Variants in ZFYVE9 observed in about 807,000 individuals in gnomAD.
The protein encoded by ZFYVE9 is zinc finger FYVE-type containing 9, also known as zinc finger FYVE domain-containing protein 9.
In ZFYVE9, 43 loss-of-function variants were observed where a neutral mutation model predicts 126.7. The ratio of observed to expected loss-of-function variants is 0.34; its 90% CI spans 0.27 to 0.44. The LOEUF (loss-of-function observed/expected upper bound fraction) is 0.44, where lower values mean the gene tolerates loss of function less well. Among genes scored for constraint, ZFYVE9 ranks in the 20% least tolerant of loss-of-function variants. The pLI, the probability that ZFYVE9 is intolerant of heterozygous loss-of-function variation, is 1.00. For missense variants in ZFYVE9, 1,476 were observed against 1,697.0 expected, an observed-to-expected ratio of 0.87 and a Z score of 2.29; for synonymous variants, 521 against 597.4, an observed-to-expected ratio of 0.87 and a Z score of 1.87.
At chr1:52,148,230 T>A (rs994548705) in intron 1 of ZFYVE9, among the ~76,000 whole-genome samples, 4 of 152,036 alleles carry the variant, frequency 2.6e-5, no homozygotes, top group African/African-American at 9.7e-5. Context: ...ATCCCAGCAC[T>A]TTGGGAGGCT....
At chr1:52,183,998 T>A (rs374792785) in intron 1 of ZFYVE9, among the ~76,000 whole-genome samples, 2 of 150,674 alleles carry the variant, frequency 1.3e-5, no homozygotes, top group East Asian at 3.9e-4. Flanking sequence ...CTGGCCAAGC[T>A]TTTCTTTTTA....
At chr1:52,199,009 C>T (rs760033224) in intron 1 of ZFYVE9, among the ~76,000 whole-genome samples, 6 of 151,520 alleles carry the variant, frequency 4.0e-5, no homozygotes, top group Non-Finnish European at 5.9e-5. Context: ...GGTTTTAACA[C>T]CTTAAAAATC....
intron 12 of ZFYVE9, among the ~76,000 whole-genome samples, chr1:52,297,242 C>CTTT (rs767708782): frequency 7.5e-6 from 1 of 134,100 alleles, no homozygotes; most frequent in Non-Finnish European, 1.6e-5. Context: ...AAAAACATTT[C>CTTT]TTTTTTTTTT....
At chr1:52,257,281 A>G (rs990997048) in intron 4 of ZFYVE9, among the ~76,000 whole-genome samples, 2 of 152,228 alleles carry the variant, frequency 1.3e-5, no homozygotes, top group African/African-American at 4.8e-5. Flanking sequence ...TAAAAGCCAT[A>G]TGAAGGAAAT....
intron 15 of ZFYVE9, among the ~76,000 whole-genome samples, chr1:52,336,947 T>TAAAAAAAAAAAAAAAAAAAAAAAA (rs71041896): frequency 3.7e-5 from 4 of 107,872 alleles, no homozygotes; most frequent in African/African-American, 1.5e-4. Context: ...AGTCATCTCT[T>TAAAAAAAAAAAAAAAAAAAAAAAA]AAAAAAAAAA....
At chr1:52,281,421 C>A (rs1197755714) in intron 9 of ZFYVE9, among the ~76,000 whole-genome samples, 1 of 152,170 alleles carries the variant, frequency 6.6e-6, no homozygotes, top group Non-Finnish European at 1.5e-5. Flanking sequence ...GCGTGAGCCA[C>A]CTCGGCCGTC....
chr1:52,242,887 G>A (rs1197360419), intron 4 of ZFYVE9, among the ~76,000 whole-genome samples: 1 of 152,174 alleles, frequency 6.6e-6, no homozygotes, highest in Non-Finnish European at 1.5e-5. Flanking sequence ...GGTTTCTAGT[G>A]AAGCTGAACC....
intron 13 of ZFYVE9, 36 bp from the exon 14 acceptor site, chr1:52,332,732 A>G (rs1428393626): frequency 1.3e-6 from 2 of 1,598,118 alleles, no homozygotes; most frequent in African/African-American, 2.7e-5. Flanking sequence ...AAAAATGCCC[A>G]TTCTTGTCAG....
At chr1:52,143,007 C>T (rs1352354416) in intron 1 of ZFYVE9, among the ~76,000 whole-genome samples, 5 of 152,150 alleles carry the variant, frequency 3.3e-5, no homozygotes, top group African/African-American at 1.2e-4. Flanking sequence ...TCATTCCTGC[C>T]TCTTTATATT....
At chr1:52,261,232 T>C (rs1287587849) in intron 4 of ZFYVE9, among the ~76,000 whole-genome samples, 4 of 150,672 alleles carry the variant, frequency 2.7e-5, no homozygotes, top group Non-Finnish European at 5.9e-5. Flanking sequence ...CTTTCTTTTT[T>C]TTTTTTTTTT....
chr1:52,332,824 C>T lies in ZFYVE9; in HGVS notation c.3495C>T (p.Phe1165=), dbSNP rs1557524416. The change falls in exon 14 of 19, where the codon TTC becomes TTT. Residue 1165 remains phenylalanine (F), a synonymous_variant. Coordinates refer to ENST00000287727, the MANE Select transcript of ZFYVE9 (RefSeq NM_004799.4). ...ATGTCCTGGCAGGAGGTGCCTGCTT[C>T]AATGAAAAGGCAGACTCTCATCTTG... ...NEHVLAGGAC[F]NEKADSHLVC... 1 of 1,613,930 alleles carries T rather than the reference C, an allele frequency of 6.2e-7. No homozygotes were observed. Among genetic ancestry groups the T allele is most frequent in the Non-Finnish European group, 8.5e-7 (1 of 1,180,018 alleles).
chr1:52,198,110 G>GTTTTTTT lies in ZFYVE9; in HGVS notation c.-142-18256_-142-18250dup, dbSNP rs1329262004. Among the ~76,000 whole-genome samples the GTTTTTTT allele has an allele frequency of 8.0e-4, 32 of 40,022 alleles. 1 individual carries two copies. Among genetic ancestry groups the GTTTTTTT allele is most frequent in the African/African-American group, 1.7e-3 (30 of 17,368 alleles). 26.3% of individuals were successfully genotyped at this position (40,022 alleles called of 152,430 possible). The stretch of plus-strand genomic sequence containing the variant: ...GGTTGTCATTAAATAATATTGTAGT[G>GTTTTTTT]TTTTTTTTTGTTTGTTTTTTTTTTT... On this transcript the variant is annotated intron_variant, in intron 1 of 18. Transcript: ENST00000287727.
intron 16 of ZFYVE9, among the ~76,000 whole-genome samples, chr1:52,339,530 G>A (rs1646416751): frequency 6.6e-6 from 1 of 152,034 alleles, no homozygotes; most frequent in Non-Finnish European, 1.5e-5. Context: ...AGCTCAGACA[G>A]TCTACCCACC....
chr1:52,226,282 C>T (rs11588337), intron 2 of ZFYVE9, among the ~76,000 whole-genome samples: 7,253 of 152,260 alleles, frequency 0.048, 238 homozygotes, highest in Non-Finnish European at 0.07. Flanking sequence ...CTCCCAGCTT[C>T]CTTGTCTGTG....
At chr1:52,162,068 T>C (rs1199879528) in intron 1 of ZFYVE9, 1 of 152,028 alleles carries the variant, frequency 6.6e-6, no homozygotes, top group East Asian at 1.9e-4. Flanking sequence ...TTTTTTTTTC[T>C]TAAAGACTAG....
intron 2 of ZFYVE9, among the ~76,000 whole-genome samples, chr1:52,225,244 C>T (rs1645159141): frequency 1.3e-5 from 2 of 152,182 alleles, no homozygotes; most frequent in African/African-American, 2.4e-5. Context: ...TTATTCGTCA[C>T]TTTGGGCGAG....
chr1:52,204,910 A>G (rs1356254542), intron 1 of ZFYVE9, among the ~76,000 whole-genome samples: 1 of 152,030 alleles, frequency 6.6e-6, no homozygotes, highest in African/African-American at 2.4e-5. Context: ...GTCCACACTA[A>G]GCCTCTAGCA....
At chr1:52,310,595 T>TAGC (rs780354301) in intron 13 of ZFYVE9, among the ~76,000 whole-genome samples, 14 of 152,304 alleles carry the variant, frequency 9.2e-5, no homozygotes, top group Admixed American at 2.0e-4. Context: ...ATCGTACAGC[T>TAGC]AGCAAGTGGT....
intron 4 of ZFYVE9, among the ~76,000 whole-genome samples, chr1:52,260,802 G>A (rs1035851256): frequency 2.6e-5 from 4 of 152,082 alleles, no homozygotes; most frequent in African/African-American, 4.8e-5. Context: ...GGGCGACAGA[G>A]CAAGACTCTA....
Sources: allele counts gnomAD v4.1 joint callset (sites outside exome capture counted in the v4.1 genomes callset), GRCh38; gene constraint gnomAD v4.1.1; transcripts MANE v1.5; gene names NCBI Gene and HGNC (gene_info 2026-07-23, HGNC 2026-07-21).